ARL15: variants seen among roughly 807,000 people sequenced by gnomAD.
ARL15 encodes ADP-ribosylation factor-like protein 15.
A neutral mutation model predicts 25.2 loss-of-function variants in ARL15; 19 were observed. The ratio of observed to expected loss-of-function variants is 0.75; its 90% CI spans 0.53 to 1.10. The LOEUF (loss-of-function observed/expected upper bound fraction) is 1.10. ARL15 is among the 50% of genes least tolerant of loss of function. The pLI, the probability that ARL15 is intolerant of heterozygous loss-of-function variation, is 0.00. For synonymous variants in ARL15, 94 were observed against 86.8 expected, an observed-to-expected ratio of 1.08 and a Z score of -0.46; for missense variants, 220 against 246.0, an observed-to-expected ratio of 0.89 and a Z score of 0.71.
At chr5:54,117,896 T>C (rs544712993) in intron 3 of ARL15, among the ~76,000 whole-genome samples, 1 of 152,322 alleles carries the variant, frequency 6.6e-6, no homozygotes, top group East Asian at 1.9e-4. Context: ...TTATTTCTGC[T>C]AAGTTTTAAG....
intron 4 of ARL15, among the ~76,000 whole-genome samples, chr5:53,915,496 G>A (rs1745611079): frequency 6.6e-6 from 1 of 152,180 alleles, no homozygotes; most frequent in Non-Finnish European, 1.5e-5. Flanking sequence ...ATTTATAAAT[G>A]ATAATAAATC....
At chr5:54,299,630 G>A (rs1043235966) in intron 1 of ARL15, among the ~76,000 whole-genome samples, 30 of 115,102 alleles carry the variant, frequency 2.6e-4, no homozygotes, top group African/African-American at 8.8e-4. Flanking sequence ...TCGCTCTGTC[G>A]CCAGGCTGGA....
intron 4 of ARL15, among the ~76,000 whole-genome samples, chr5:53,996,198 C>T (rs966683813): frequency 2.6e-5 from 4 of 152,124 alleles, no homozygotes; most frequent in African/African-American, 9.7e-5. Context: ...GGGACAATGG[C>T]AAGGGAAATC....
chr5:53,920,499 G>A (rs1422041016), intron 4 of ARL15, among the ~76,000 whole-genome samples: 1 of 151,840 alleles, frequency 6.6e-6, no homozygotes, highest in Non-Finnish European at 1.5e-5. Flanking sequence ...GGTGCTTCTG[G>A]AATTTTTTTT....
At chr5:54,114,735 G>C (rs535629980) in intron 3 of ARL15, among the ~76,000 whole-genome samples, 37 of 152,264 alleles carry the variant, frequency 2.4e-4, no homozygotes, top group African/African-American at 8.7e-4. Context: ...GCCCAGGGAA[G>C]GCATAGGCAC....
intron 1 of ARL15, among the ~76,000 whole-genome samples, chr5:54,208,917 T>C (rs952412576): frequency 1.3e-5 from 2 of 152,128 alleles, no homozygotes; most frequent in Non-Finnish European, 2.9e-5. Context: ...TACAATTTTA[T>C]AGCACACCTA....
chr5:54,240,235 A>T (rs1406496867), intron 1 of ARL15, among the ~76,000 whole-genome samples: 2 of 145,164 alleles, frequency 1.4e-5, no homozygotes, highest in East Asian at 2.0e-4. Context: ...TCAAAAATAA[A>T]AAAAAAAAAA....
At chr5:54,057,106 T>C (rs577845205) in intron 4 of ARL15, among the ~76,000 whole-genome samples, 1 of 152,084 alleles carries the variant, frequency 6.6e-6, no homozygotes, top group East Asian at 1.9e-4. Flanking sequence ...GAAGATTAAA[T>C]TTTGGGAAAA....
intron 4 of ARL15, among the ~76,000 whole-genome samples, chr5:53,950,354 C>T (rs1035756467): frequency 9.9e-5 from 15 of 151,880 alleles, no homozygotes; most frequent in South Asian, 2.1e-4. Context: ...AACAGAAAGA[C>T]GACGATGTCA....
intron 4 of ARL15, among the ~76,000 whole-genome samples, chr5:53,894,380 G>A (rs1310931788): frequency 6.6e-6 from 1 of 152,196 alleles, no homozygotes; most frequent in East Asian, 1.9e-4. Flanking sequence ...AAGTTAGTAT[G>A]TCCCAGAATA....
chr5:54,048,698 C>T (rs1750610097), intron 4 of ARL15, among the ~76,000 whole-genome samples: 1 of 151,670 alleles, frequency 6.6e-6, no homozygotes, highest in African/African-American at 2.4e-5. Flanking sequence ...GCCACTGGGC[C>T]CAGCCAAAAT....
intron 1 of ARL15, among the ~76,000 whole-genome samples, chr5:54,264,794 T>C (rs897917688): frequency 6.6e-6 from 1 of 152,184 alleles, no homozygotes; most frequent in Non-Finnish European, 1.5e-5. Context: ...GAAGCCTACC[T>C]TGACCACCTA....
chr5:53,976,179 C>T (rs1561172671), intron 4 of ARL15, among the ~76,000 whole-genome samples: 1 of 152,126 alleles, frequency 6.6e-6, no homozygotes, highest in Non-Finnish European at 1.5e-5. Flanking sequence ...TGAGGGTCTA[C>T]TGGGGTAGTG....
At chr5:54,246,605 A>T (rs1278357950) in intron 1 of ARL15, among the ~76,000 whole-genome samples, 1 of 152,008 alleles carries the variant, frequency 6.6e-6, no homozygotes, top group Non-Finnish European at 1.5e-5. Flanking sequence ...CATCTCCCTG[A>T]CTCAACACAC....
At chr5:54,249,276 G>T (rs1757175903) in intron 1 of ARL15, among the ~76,000 whole-genome samples, 1 of 152,144 alleles carries the variant, frequency 6.6e-6, no homozygotes, top group Non-Finnish European at 1.5e-5. Flanking sequence ...CCCAGTTGCA[G>T]TTGGCTAAAA....
At chr5:54,128,558 C>T (rs988615718) in intron 3 of ARL15, among the ~76,000 whole-genome samples, 6 of 152,128 alleles carry the variant, frequency 3.9e-5, no homozygotes, top group African/African-American at 1.4e-4. Flanking sequence ...AATATGGTGG[C>T]AAACCAAATA....
At chr5:54,088,478 G>T (rs1752042030) in intron 4 of ARL15, among the ~76,000 whole-genome samples, 1 of 152,136 alleles carries the variant, frequency 6.6e-6, no homozygotes, top group Non-Finnish European at 1.5e-5. Flanking sequence ...TTGAAAACAA[G>T]CATTTTCCCA....
intron 4 of ARL15, among the ~76,000 whole-genome samples, chr5:54,106,899 A>G (rs1018953727): frequency 1.3e-5 from 2 of 152,158 alleles, no homozygotes; most frequent in African/African-American, 2.4e-5. Flanking sequence ...GGGAAATCAG[A>G]TGAGAGAGCC....
chr5:54,134,607 A>G (rs1753543796), intron 3 of ARL15, among the ~76,000 whole-genome samples: 1 of 99,998 alleles, frequency 1.0e-5, no homozygotes, highest in African/African-American at 4.0e-5. Context: ...TTTTTCTGAG[A>G]CAGAGTCTTG....
Sources: allele counts gnomAD v4.1 joint callset (sites outside exome capture counted in the v4.1 genomes callset), GRCh38; gene constraint gnomAD v4.1.1; transcripts MANE v1.5; gene names NCBI Gene and HGNC (gene_info 2026-07-23, HGNC 2026-07-21).